Variants in DIAPH2 observed in about 807,000 individuals in gnomAD.
DIAPH2 encodes the protein diaphanous related formin 2.
DIAPH2 carries 35 observed loss-of-function variants against 92.7 expected under a neutral mutation model. The ratio of observed to expected loss-of-function variants is 0.38; its 90% CI spans 0.29 to 0.50. DIAPH2 has a LOEUF of 0.50. Ranked by LOEUF, DIAPH2 falls within the 20% of genes least tolerant of loss-of-function variation. DIAPH2 has a pLI of 0.94. For missense variants in DIAPH2, 701 were observed against 819.5 expected (o/e 0.86, Z 1.77); for synonymous variants, 301 against 280.4 (o/e 1.07, Z -0.73).
intron 23 of DIAPH2, among the ~76,000 whole-genome samples, chrX:97,263,269 TC>T (rs1378551950): frequency 1.8e-5 from 2 of 111,892 alleles, no homozygotes; most frequent in African/African-American, 6.5e-5. Flanking sequence ...GCCATTCATT[TC>T]ATGTTTTTAG....
At chrX:97,583,212 G>T (rs1347156028) in intron 26 of DIAPH2, among the ~76,000 whole-genome samples, 1 of 112,198 alleles carries the variant, frequency 8.9e-6, no homozygotes, top group African/African-American at 3.2e-5. Context: ...TTCTGCTGCT[G>T]GTGAGGAGCT....
intron 17 of DIAPH2, among the ~76,000 whole-genome samples, chrX:97,071,626 T>C (rs1469968236): frequency 1.8e-5 from 2 of 111,732 alleles, no homozygotes; most frequent in African/African-American, 6.5e-5. Context: ...TGTAGCATGC[T>C]CATTTAATTT....
intron 26 of DIAPH2, among the ~76,000 whole-genome samples, chrX:97,472,873 G>A (rs2070574068): frequency 8.9e-6 from 1 of 111,997 alleles, no homozygotes; most frequent in African/African-American, 3.2e-5. Flanking sequence ...ATTCTGCTTA[G>A]ACAGGCCTTT....
At chrX:96,742,867 G>A (rs185165925) in intron 3 of DIAPH2, among the ~76,000 whole-genome samples, 157 of 111,015 alleles carry the variant, frequency 1.4e-3, no homozygotes, top group African/African-American at 4.7e-3. Flanking sequence ...GGGTTTCACC[G>A]TGGCCAAGCT....
intron 17 of DIAPH2, among the ~76,000 whole-genome samples, chrX:96,974,355 A>T (rs1483353961): frequency 9.0e-6 from 1 of 111,643 alleles, no homozygotes; most frequent in Non-Finnish European, 1.9e-5. Context: ...CAGATAGGTG[A>T]TGGGAATATA....
intron 26 of DIAPH2, among the ~76,000 whole-genome samples, chrX:97,565,071 T>G (rs1433627830): frequency 8.9e-6 from 1 of 112,044 alleles, no homozygotes; most frequent in African/African-American, 3.2e-5. Context: ...TGTCCTACTT[T>G]GGACTCCACC....
chrX:96,904,486 G>T (rs1036999729), intron 5 of DIAPH2, among the ~76,000 whole-genome samples: 7 of 111,770 alleles, frequency 6.3e-5, no homozygotes, highest in Admixed American at 5.7e-4. Context: ...CAAGTCAGTT[G>T]TAGTGTACAC....
intron 19 of DIAPH2, among the ~76,000 whole-genome samples, chrX:97,098,808 T>G (rs566550008): frequency 4.4e-5 from 5 of 112,969 alleles, no homozygotes; most frequent in African/African-American, 1.6e-4. Context: ...GGCGCTGCCT[T>G]TAAGGATAAT....
intron 22 of DIAPH2, among the ~76,000 whole-genome samples, chrX:97,199,340 T>C (rs866255656): frequency 9.0e-6 from 1 of 111,145 alleles, no homozygotes; most frequent in Non-Finnish European, 1.9e-5. Flanking sequence ...TTATTCCATA[T>C]ATGTGTATGG....
chrX:96,971,705 C>T (rs1025057502), intron 17 of DIAPH2, among the ~76,000 whole-genome samples: 10 of 111,392 alleles, frequency 9.0e-5, no homozygotes, highest in African/African-American at 3.3e-4. Context: ...TTCTCTTTCA[C>T]GCTACTATGA....
In DIAPH2 at chrX:97,599,749, A is replaced by ATAAT. The variant is rs1469214633; in HGVS notation, c.*433_*436dup. On this transcript the variant is annotated 3_prime_UTR_variant, in exon 27 of 27. Coordinates refer to ENST00000324765, the MANE Select transcript of DIAPH2 (RefSeq NM_006729.5). ...TCAGCTTCCAATCCCTAGTACATAT[A>ATAAT]TAATAGAAAAGGGCCAAGAAAAATA... is the stretch of plus-strand genomic sequence containing the variant. 1.7e-5 allele frequency: 2 copies of ATAAT among 114,451 alleles called. No individual in the cohort carries two copies. The highest frequency in any genetic ancestry group is 3.7e-5 in the Non-Finnish European group (2 of 54,656). 9.4% of individuals were successfully genotyped at this position (114,451 alleles called of 1,213,427 possible). A position where few individuals can be genotyped will look rare whatever the true frequency, so the allele number is the denominator to read the frequency against.
intron 22 of DIAPH2, among the ~76,000 whole-genome samples, chrX:97,246,210 G>A (rs975617123): frequency 3.6e-5 from 4 of 110,101 alleles, no homozygotes; most frequent in South Asian, 7.8e-4. Flanking sequence ...CACCGCGCTC[G>A]GCCTGTCTTC....
At chrX:97,423,995 CAAATT>C (rs752972270) in intron 25 of DIAPH2, among the ~76,000 whole-genome samples, 1,591 of 111,592 alleles carry the variant, frequency 0.014, 20 homozygotes, top group Non-Finnish European at 0.024. Context: ...CTGTCAACCT[CAAATT>C]AAATCACATA....
In DIAPH2 at chrX:97,258,372, G is replaced by A. The variant is rs764229113; in HGVS notation, c.2844+10533G>A. ...GTGGATCACCTGAGGTCAGGTGTTC[G>A]AGACCAGCCTGGACAACATGGTGAA... On this transcript the variant is annotated intron_variant, in intron 23 of 26. Coordinates refer to ENST00000324765, the MANE Select transcript of DIAPH2 (RefSeq NM_006729.5). 6.0e-4 allele frequency among the ~76,000 whole-genome samples: 67 copies of A among 111,201 alleles called. 1 individual carries two copies. Among genetic ancestry groups the A allele is most frequent in the African/African-American group, 2.2e-3 (66 of 30,639 alleles).
intron 26 of DIAPH2, among the ~76,000 whole-genome samples, chrX:97,531,393 T>C (rs1367912148): frequency 8.9e-6 from 1 of 111,923 alleles, no homozygotes; most frequent in African/African-American, 3.2e-5. Flanking sequence ...AGCTTGTATA[T>C]TGAGAGACCT....
intron 19 of DIAPH2, among the ~76,000 whole-genome samples, chrX:97,085,713 G>A (rs750010418): frequency 7.5e-4 from 84 of 111,886 alleles, no homozygotes; most frequent in African/African-American, 2.5e-3. Flanking sequence ...CACCGCGGCC[G>A]GCCAAGAATT....
At chrX:97,191,679 T>C (rs1290720952) in intron 22 of DIAPH2, among the ~76,000 whole-genome samples, 1 of 112,419 alleles carries the variant, frequency 8.9e-6, no homozygotes, top group Non-Finnish European at 1.9e-5. Context: ...TAGCATTCTG[T>C]TTATATGATC....
At chrX:96,911,673 C>T (rs1165592820) in intron 5 of DIAPH2, among the ~76,000 whole-genome samples, 2 of 111,265 alleles carry the variant, frequency 1.8e-5, no homozygotes, top group Admixed American at 9.6e-5. Flanking sequence ...AGCAGCCTGC[C>T]ACTCCTTTCA....
At chrX:96,908,014 A>G (rs1348794473) in intron 5 of DIAPH2, among the ~76,000 whole-genome samples, 1 of 112,118 alleles carries the variant, frequency 8.9e-6, no homozygotes, top group Non-Finnish European at 1.9e-5. Context: ...CAAACACAAA[A>G]TTTGAAAACT....
Sources: allele counts gnomAD v4.1 joint callset (sites outside exome capture counted in the v4.1 genomes callset), GRCh38; gene constraint gnomAD v4.1.1; transcripts MANE v1.5; gene names NCBI Gene and HGNC (gene_info 2026-07-23, HGNC 2026-07-21).